ZFHX3: variants seen among roughly 807,000 people sequenced by gnomAD.
The protein encoded by ZFHX3 is zinc finger homeobox 3, also known as zinc finger homeobox protein 3.
ZFHX3 carries 42 observed loss-of-function variants against 279.1 expected under a neutral mutation model. The ratio of observed to expected loss-of-function variants is 0.15; its 90% CI spans 0.12 to 0.19. The LOEUF (loss-of-function observed/expected upper bound fraction) is 0.19, where lower values mean the gene tolerates loss of function less well. ZFHX3 is among the 10% of genes least tolerant of loss of function. ZFHX3 has a pLI of 1.00. For missense variants in ZFHX3, 4,981 were observed against 4,754.0 expected, an observed-to-expected ratio of 1.05 and a Z score of -1.40; for synonymous variants, 2,293 against 1,957.8, an observed-to-expected ratio of 1.17 and a Z score of -4.52.
At chr16:73,401,922 C>T (rs1048373962) in intron 3 of ZFHX3, 4 of 152,120 alleles carry the variant, frequency 2.6e-5, no homozygotes, top group Non-Finnish European at 5.9e-5. Context: ...CTAACAATAA[C>T]CTCCTCCAAA....
At chr16:72,840,022 G>A (rs974394253) in intron 4 of ZFHX3, among the ~76,000 whole-genome samples, 2 of 152,094 alleles carry the variant, frequency 1.3e-5, no homozygotes, top group African/African-American at 4.8e-5. Context: ...GAGTGATAGA[G>A]AGTAAATTAA....
intron 2 of ZFHX3, among the ~76,000 whole-genome samples, chr16:73,566,080 C>T (rs1334678356): frequency 6.6e-6 from 1 of 152,196 alleles, no homozygotes; most frequent in Non-Finnish European, 1.5e-5. Context: ...GAAACACTAG[C>T]CTGAGGCTCC....
At chr16:73,471,281 CGACCATAGTGATT>C (rs1212804802) in intron 2 of ZFHX3, among the ~76,000 whole-genome samples, 1 of 152,088 alleles carries the variant, frequency 6.6e-6, no homozygotes, top group Non-Finnish European at 1.5e-5. Context: ...CCGAGGTGAT[CGACCATAGTGATT>C]GACCATGCAC....
At chr16:73,877,053 A>G (rs1021415675) in intron 1 of ZFHX3, among the ~76,000 whole-genome samples, 4 of 152,006 alleles carry the variant, frequency 2.6e-5, no homozygotes, top group Non-Finnish European at 4.4e-5. Flanking sequence ...AAAAAAAACA[A>G]CAACAACAAG....
chr16:73,489,589 A>G (rs890983999), intron 2 of ZFHX3, among the ~76,000 whole-genome samples: 3 of 152,216 alleles, frequency 2.0e-5, no homozygotes, highest in Non-Finnish European at 4.4e-5. Context: ...TGTTTTTCCT[A>G]TAACTTGCTT....
intron 2 of ZFHX3, among the ~76,000 whole-genome samples, chr16:73,518,692 C>T (rs1452185088): frequency 1.3e-5 from 2 of 152,216 alleles, no homozygotes; most frequent in South Asian, 2.1e-4. Flanking sequence ...TCAGGTTTTG[C>T]CGAAAGAAAA....
intron 3 of ZFHX3, among the ~76,000 whole-genome samples, chr16:72,913,281 C>A (rs2039364114): frequency 6.6e-6 from 1 of 152,212 alleles, no homozygotes; most frequent in African/African-American, 2.4e-5. Context: ...TACTCAAGGC[C>A]TTTCTCTGGT....
chr16:73,028,307 C>T (rs1009530121), intron 1 of ZFHX3, among the ~76,000 whole-genome samples: 7 of 152,156 alleles, frequency 4.6e-5, no homozygotes, highest in East Asian at 1.9e-4. Flanking sequence ...CTCAGTCCAC[C>T]GGGAGGTGGA....
intron 1 of ZFHX3, among the ~76,000 whole-genome samples, chr16:73,859,775 T>A (rs1156452546): frequency 1.3e-5 from 2 of 152,190 alleles, no homozygotes; most frequent in Non-Finnish European, 2.9e-5. Context: ...CTTCATATAT[T>A]AATAAAGCCT....
intron 1 of ZFHX3, among the ~76,000 whole-genome samples, chr16:72,983,188 G>A (rs951153955): frequency 2.0e-5 from 3 of 152,200 alleles, no homozygotes; most frequent in Non-Finnish European, 4.4e-5. Context: ...TGAGACTTAT[G>A]AGGCAACTTA....
chr16:73,036,334 AAGG>A lies in ZFHX3; in HGVS notation c.-50+11415_-50+11417del, dbSNP rs1964902506. Reference sequence around the variant, plus strand: ...AAGAAGAAAAGCTGCACAGATGCGGAAGGCCGGTCCAGAGGCACACAATTACAG... The same window carrying A: ...AAGAAGAAAAGCTGCACAGATGCGGACCGGTCCAGAGGCACACAATTACAG... On this transcript the variant is annotated intron_variant, in intron 1 of 9. Coordinates refer to ENST00000268489, the MANE Select transcript of ZFHX3 (RefSeq NM_006885.4). Among the ~76,000 whole-genome samples, 3 of 152,214 alleles carry A rather than the reference AAGG, an allele frequency of 2.0e-5. No individual in the cohort carries two copies. The East Asian group carries it at 5.8e-4, about 29-fold the overall frequency.
intron 1 of ZFHX3, among the ~76,000 whole-genome samples, chr16:73,040,780 T>C (rs533793589): frequency 2.0e-5 from 3 of 152,292 alleles, no homozygotes; most frequent in African/African-American, 7.2e-5. Context: ...TGGCAGCCAA[T>C]ATCCGGAGAA....
chr16:73,391,061 T>G (rs2017002632), intron 3 of ZFHX3, among the ~76,000 whole-genome samples: 1 of 152,058 alleles, frequency 6.6e-6, no homozygotes, highest in Admixed American at 6.6e-5. Context: ...TAAAAGTGCT[T>G]TAGGAGAGGA....
chr16:73,572,852 G>A (rs2051756231), intron 2 of ZFHX3, among the ~76,000 whole-genome samples: 2 of 152,180 alleles, frequency 1.3e-5, no homozygotes, highest in African/African-American at 4.8e-5. Flanking sequence ...TTGGAATCCT[G>A]TCTACTGAGC....
At chr16:72,867,802 C>G (rs1371894564) in intron 4 of ZFHX3, among the ~76,000 whole-genome samples, 2 of 152,044 alleles carry the variant, frequency 1.3e-5, no homozygotes, top group African/African-American at 2.4e-5. Flanking sequence ...CTTTCCTCTT[C>G]TAATGATGCC....
Position 72,842,101 on chromosome 16 carries a change from ATCCT to A in ZFHX3, c.3449-12246_3449-12243del, listed in dbSNP as rs545796289. Among the ~76,000 whole-genome samples, 182 of 152,324 alleles carry A rather than the reference ATCCT, an allele frequency of 1.2e-3. 4 individuals carry two copies. Among genetic ancestry groups the A allele is most frequent in the Admixed American group, 9.9e-3 (152 of 15,296 alleles). On this transcript the variant is annotated intron_variant, in intron 4 of 9. Transcript: ENST00000268489. ...TAAAGAAATAATCTGGGATGCTGAGATCCTTCCGTGTACACACTGCAGTTGGCGG... is the reference window on the plus strand; with the variant it reads ...TAAAGAAATAATCTGGGATGCTGAGATCCGTGTACACACTGCAGTTGGCGG...
chr16:73,602,416 T>C (rs531320008), intron 2 of ZFHX3, among the ~76,000 whole-genome samples: 100 of 152,224 alleles, frequency 6.6e-4, no homozygotes, highest in African/African-American at 1.9e-3. Context: ...GTCTTTCTAT[T>C]ACGAGAACTT....
chr16:73,598,324 C>G (rs2052073818), intron 2 of ZFHX3, among the ~76,000 whole-genome samples: 2 of 152,318 alleles, frequency 1.3e-5, no homozygotes, highest in Non-Finnish European at 2.9e-5. Context: ...AGCCATATCA[C>G]CTCTACTCCA....
chr16:73,299,791 G>A (rs922306943), intron 4 of ZFHX3, among the ~76,000 whole-genome samples: 3 of 152,120 alleles, frequency 2.0e-5, no homozygotes, highest in Admixed American at 6.5e-5. Context: ...GCAAACAAAA[G>A]GTAATGAGAA....
Sources: allele counts gnomAD v4.1 joint callset (sites outside exome capture counted in the v4.1 genomes callset), GRCh38; gene constraint gnomAD v4.1.1; transcripts MANE v1.5; gene names NCBI Gene and HGNC (gene_info 2026-07-23, HGNC 2026-07-21).